The following CILK1 variants were observed in gnomAD, a reference collection of about 807,000 sequenced individuals.
CILK1 encodes the protein ciliogenesis associated kinase 1, also known as serine/threonine-protein kinase ICK.
Under a neutral mutation model 79.2 loss-of-function variants are expected in CILK1, and 47 were observed. The observed-to-expected ratio is 0.59, with a 90% CI of 0.47 to 0.76. CILK1 has a LOEUF of 0.76. Among genes scored for constraint, CILK1 ranks in the 30% least tolerant of loss-of-function variants. The pLI is 0.00. For missense variants in CILK1, 660 were observed against 769.5 expected (o/e 0.86, Z 1.68); for synonymous variants, 266 against 275.9 (o/e 0.96, Z 0.36).
rs957143161 is a variant in CILK1 at position 53,011,780 on chromosome 6, C to T, written c.1481G>A (p.Arg494Gln). Residue 494 changes from arginine to glutamine, a missense_variant, in exon 11 of 14, where the codon CGA (arginine) becomes CAA (glutamine). Coordinates refer to ENST00000676107, the MANE Select transcript of CILK1 (RefSeq NM_014920.5). The stretch of plus-strand genomic sequence containing the variant: ...GTCATTTATATTACCAGGCAAGTAT[C>T]GAGAGTGCTTCAAATAGTGCTGCTT... ...AAKQHYLKHS[R>Q]YLPGISIRNG... 1 of 1,613,994 alleles carries T rather than the reference C, an allele frequency of 6.2e-7. No homozygotes were observed. The highest frequency in any genetic ancestry group is 8.5e-7 in the Non-Finnish European group (1 of 1,179,932).
intron 1 of CILK1, among the ~76,000 whole-genome samples, chr6:53,047,757 C>G (rs1390376224): frequency 1.3e-5 from 2 of 151,954 alleles, no homozygotes; most frequent in Non-Finnish European, 2.9e-5. Context: ...ACTCCAATAG[C>G]CCAGGTGAAA....
At position 53,020,213 on chromosome 6, in the gene CILK1, G is replaced by C. The variant is rs142799950; in HGVS notation, c.359-854C>G. On this transcript the variant is annotated intron_variant, in intron 5 of 13. Transcript: ENST00000676107. Reference sequence around the variant, plus strand: ...ACGTAGGAAGCCTGTCTCAGCTATAGCAGAGCTCTGGAGGTACAGGCAGGA... The same window carrying C: ...ACGTAGGAAGCCTGTCTCAGCTATACCAGAGCTCTGGAGGTACAGGCAGGA... Among the ~76,000 whole-genome samples the C allele has an allele frequency of 1.3e-3, 203 of 152,320 alleles. 1 individual carries two copies. Among genetic ancestry groups the C allele is most frequent in the African/African-American group, 4.6e-3 (190 of 41,572 alleles).
At chr6:53,027,127 A>C (rs967569441) in intron 5 of CILK1, among the ~76,000 whole-genome samples, 1 of 152,322 alleles carries the variant, frequency 6.6e-6, no homozygotes, top group African/African-American at 2.4e-5. Context: ...CAAACCTACA[A>C]TGTTTTTATC....
intron 1 of CILK1, among the ~76,000 whole-genome samples, chr6:53,058,531 T>C (rs1285468310): frequency 6.6e-6 from 1 of 152,098 alleles, no homozygotes; most frequent in Non-Finnish European, 1.5e-5. Context: ...CCAAAACGTG[T>C]ATAAGTCATC....
chr6:53,013,822 G>A lies in CILK1; in HGVS notation c.992C>T (p.Thr331Ile). The A allele has an allele frequency of 6.2e-7, 1 of 1,613,880 alleles. No individual in the cohort carries two copies. Among genetic ancestry groups the A allele is most frequent in the Non-Finnish European group, 8.5e-7 (1 of 1,179,808 alleles). ...TTGATGCTGTCGTGAAGAAATTCGT[G>A]TGTGTGGCTTGGCTGGTGGCTGGGC... ...PPAQPPAKPH[T>I]RISSRQHQAS... Residue 331 changes from threonine to isoleucine, a missense_variant, in exon 9 of 14, where the codon ACA becomes ATA. By Grantham distance (89) the Thr-to-Ile change is moderately conservative. Coordinates refer to ENST00000676107, the MANE Select transcript of CILK1 (RefSeq NM_014920.5).
chr6:53,054,302 C>CTGCA (rs1422249919), intron 1 of CILK1, among the ~76,000 whole-genome samples: 3 of 152,196 alleles, frequency 2.0e-5, no homozygotes, highest in African/African-American at 7.2e-5. Flanking sequence ...TGGCAATGAC[C>CTGCA]TGCAGGTGTA....
chr6:53,026,806 G>T (rs1765610299), intron 5 of CILK1, among the ~76,000 whole-genome samples: 1 of 152,160 alleles, frequency 6.6e-6, no homozygotes, highest in Admixed American at 6.5e-5. Context: ...GAACCTTCCT[G>T]TTCAAAACTG....
intron 5 of CILK1, among the ~76,000 whole-genome samples, chr6:53,025,268 T>C (rs1213137470): frequency 1.3e-5 from 2 of 152,232 alleles, no homozygotes; most frequent in Non-Finnish European, 2.9e-5. Context: ...TCCGTTATAA[T>C]GGGTCCTTTG....
chr6:53,010,968 C>G (rs1345293213), intron 11 of CILK1, among the ~76,000 whole-genome samples: 1 of 152,166 alleles, frequency 6.6e-6, no homozygotes, highest in East Asian at 1.9e-4. Context: ...GTTTTGTTCA[C>G]AATAATATTC....
At chr6:53,034,664 G>A (rs1766190954) in intron 3 of CILK1, among the ~76,000 whole-genome samples, 1 of 152,138 alleles carries the variant, frequency 6.6e-6, no homozygotes, top group South Asian at 2.1e-4. Flanking sequence ...GGGTATCCTG[G>A]GGCTTAAGAT....
At chr6:53,032,867 A>G (rs1766062248) in intron 3 of CILK1, among the ~76,000 whole-genome samples, 1 of 152,202 alleles carries the variant, frequency 6.6e-6, no homozygotes, top group Non-Finnish European at 1.5e-5. Flanking sequence ...ACTGAGTAGA[A>G]GGTATGTATT....
rs1255415521 is a variant in CILK1, at chr6:53,002,375, A to G, written c.*2774T>C. 3.9e-5 allele frequency: 6 copies of G among 152,206 alleles called. No individual in the cohort carries two copies. Among genetic ancestry groups the G allele is most frequent in the Admixed American group, 3.9e-4 (6 of 15,282 alleles). The allele number at this position is 152,206 out of a possible 1,614,324, so 9.4% of individuals were successfully genotyped here. A position where few individuals can be genotyped will look rare whatever the true frequency, so the allele number is the denominator to read the frequency against. On this transcript the variant is annotated 3_prime_UTR_variant, in exon 14 of 14. Coordinates refer to ENST00000676107, the MANE Select transcript of CILK1 (RefSeq NM_014920.5). The stretch of plus-strand genomic sequence containing the variant: ...TAAGCTTTCTGACTGTAAATGAGGT[A>G]TAGTCCTGATAGGTACAGTTACAGG...
chr6:53,042,678 T>C (rs534064509), intron 1 of CILK1, among the ~76,000 whole-genome samples: 1 of 152,356 alleles, frequency 6.6e-6, no homozygotes, highest in East Asian at 1.9e-4. Flanking sequence ...GTAGTAATAA[T>C]GTAAAGTGAC....
At chr6:53,041,771 G>T (rs756922473) in intron 1 of CILK1, among the ~76,000 whole-genome samples, 1 of 152,188 alleles carries the variant, frequency 6.6e-6, no homozygotes, top group Admixed American at 6.5e-5. Context: ...TTGAGTGAGT[G>T]TAGGGTGGGT....
At chr6:53,044,187 G>C (rs1766902544) in intron 1 of CILK1, among the ~76,000 whole-genome samples, 1 of 152,202 alleles carries the variant, frequency 6.6e-6, no homozygotes. Context: ...TAGGAGCTGG[G>C]CCACACAGCA....
intron 8 of CILK1, among the ~76,000 whole-genome samples, chr6:53,014,810 G>A (rs1051139296): frequency 6.6e-5 from 10 of 152,012 alleles, no homozygotes; most frequent in African/African-American, 2.4e-4. Flanking sequence ...TGATTTGGGG[G>A]GTATTTTTAG....
Position 53,006,342 on chromosome 6 carries a change from G to A in CILK1, c.1717C>T (p.Leu573=), listed in dbSNP as rs1770940042. The A allele has an allele frequency of 6.2e-7, 1 of 1,613,834 alleles. No individual in the cohort carries two copies. The highest frequency in any genetic ancestry group is 1.3e-5 in the African/African-American group (1 of 75,018). ...GGGGAAGGGTCTGGAATAGGTGCTA[G>A]GTGTACCCTCTGCATAGCAGAACCG... ...EIGSAMQRVH[L]APIPDPSPGY... is the part of the protein sequence containing the mutation. Residue 573 remains leucine (L), a synonymous_variant, in exon 13 of 14, where the codon CTA becomes TTA. Coordinates refer to ENST00000676107, the MANE Select transcript of CILK1 (RefSeq NM_014920.5).
At chr6:53,013,572 T>C in intron 9 of CILK1, 90 bp downstream of exon 9, 1 of 1,251,564 alleles carries the variant, frequency 8.0e-7, no homozygotes, top group Non-Finnish European at 1.2e-6. Context: ...CTGGACCCTG[T>C]ATACTGAAAA....
chr6:53,058,126 G>A (rs1768059825), intron 1 of CILK1, among the ~76,000 whole-genome samples: 1 of 152,194 alleles, frequency 6.6e-6, no homozygotes, highest in African/African-American at 2.4e-5. Flanking sequence ...AGATAGTTCA[G>A]TTTCCTTGGA....
Sources: allele counts gnomAD v4.1 joint callset (sites outside exome capture counted in the v4.1 genomes callset), GRCh38; gene constraint gnomAD v4.1.1; transcripts MANE v1.5; gene names NCBI Gene and HGNC (gene_info 2026-07-23, HGNC 2026-07-21).